Variants in NBEAL1 observed in about 807,000 individuals in gnomAD.
The protein encoded by NBEAL1 is neurobeachin like 1.
A neutral mutation model predicts 351.3 loss-of-function variants in NBEAL1; 273 were observed. The observed-to-expected ratio is 0.78, with a 90% CI of 0.70 to 0.86. NBEAL1 has a LOEUF of 0.86. Among genes scored for constraint, NBEAL1 ranks in the 40% least tolerant of loss-of-function variants. The pLI, the probability that NBEAL1 is intolerant of heterozygous loss-of-function variation, is 0.00. For missense variants in NBEAL1, 2,961 were observed against 3,201.3 expected (o/e 0.92, Z 1.81); for synonymous variants, 1,050 against 1,086.4 (o/e 0.97, Z 0.66).
chr2:203,062,256 G>GTCT lies in NBEAL1; in HGVS notation c.515+4806_515+4808dup. On this transcript the variant is annotated intron_variant, in intron 6 of 55. Coordinates refer to ENST00000683969, the MANE Select transcript of NBEAL1 (RefSeq NM_001378026.1). This position sits in a 1 kb window ranked among gnomAD's most constrained non-coding sequence, Gnocchi z 4.2. ...TTCTGACTTGATCGTCAACATTCTGGTCTTCCCATTTGTTTTCTGTAGAAG... is the reference window on the plus strand; with the variant it reads ...TTCTGACTTGATCGTCAACATTCTGGTCTTCTTCCCATTTGTTTTCTGTAGAAG... 2.2e-6 allele frequency: 1 copy of GTCT among 459,512 alleles called. No homozygotes were observed. The highest frequency in any genetic ancestry group is 4.4e-6 in the Non-Finnish European group (1 of 228,366). The allele number at this position is 459,512 out of a possible 1,614,324, so 28.5% of individuals were successfully genotyped here.
chr2:203,183,810 ACACCTGTAATCCTAG>A (rs2064805684), intron 44 of NBEAL1, among the ~76,000 whole-genome samples: 1 of 152,148 alleles, frequency 6.6e-6, no homozygotes, highest in Non-Finnish European at 1.5e-5. Flanking sequence ...ACAGTGGCTC[ACACCTGTAATCCTAG>A]CACTTTTGGA....
chr2:203,050,038 A>G, intron 4 of NBEAL1, 63 bp downstream of exon 4: 2 of 1,461,656 alleles, frequency 1.4e-6, no homozygotes, highest in Admixed American at 2.0e-5. Flanking sequence ...ATGAGAACAC[A>G]TGGAGATGAG....
intron 36 of NBEAL1, among the ~76,000 whole-genome samples, chr2:203,160,744 G>A (rs1219332117): frequency 6.6e-6 from 1 of 152,154 alleles, no homozygotes; most frequent in East Asian, 1.9e-4. Context: ...AACTAATTCT[G>A]TAGAGCCTGT....
chr2:203,166,093 A>C (rs2064121188), intron 36 of NBEAL1, 56 bp from the exon 37 acceptor site: 1 of 1,434,222 alleles, frequency 7.0e-7, no homozygotes, highest in Non-Finnish European at 9.3e-7. Context: ...ATTCTTTTCT[A>C]TTTAAGAAAA....
In NBEAL1 at chr2:203,122,269, A is replaced by G. The variant is rs777529029; in HGVS notation, c.2608A>G (p.Ile870Val). 7 of 1,532,286 alleles carry G rather than the reference A, an allele frequency of 4.6e-6. No homozygotes were observed. Among genetic ancestry groups the G allele is most frequent in the African/African-American group, 1.4e-5 (1 of 71,932 alleles). 94.9% of individuals were successfully genotyped at this position (1,532,286 alleles called of 1,614,324 possible). ...TTATTCTTAGGCCTGCAAAAATTCA[A>G]TCTGTCTTGATTTATCTACTAATTG... Reference protein sequence around the residue: ...YYTAKACKNSICLDLSTNCLH... With the variant: ...YYTAKACKNSVCLDLSTNCLH... The change falls in exon 19 of 56, where the codon ATC (isoleucine) becomes GTC (valine). Residue 870 changes from isoleucine (I) to valine (V), a missense_variant. By Grantham distance (29) the Ile-to-Val change is conservative. Transcript: ENST00000683969.
chr2:203,059,288 A>C (rs751441304), intron 6 of NBEAL1, among the ~76,000 whole-genome samples: 5 of 152,240 alleles, frequency 3.3e-5, no homozygotes, highest in Non-Finnish European at 7.3e-5. Context: ...AAGATACAAA[A>C]TTTCAGTTAG....
intron 9 of NBEAL1, among the ~76,000 whole-genome samples, chr2:203,083,980 G>C (rs866130128): frequency 7.3e-6 from 1 of 136,678 alleles, no homozygotes; most frequent in South Asian, 2.5e-4. Flanking sequence ...CAGAGCCTGT[G>C]TGTGTGTGTG....
Position 203,199,488 on chromosome 2 carries a change from T to A in NBEAL1, c.7238+41T>A, listed in dbSNP as rs188940639. 4.7e-5 allele frequency: 45 copies of A among 958,036 alleles called. No homozygotes were observed. In the Admixed American group the frequency reaches 6.2e-4, roughly 13 times the overall value. The allele number at this position is 958,036 out of a possible 1,614,324, so 59.3% of individuals were successfully genotyped here. ...TGTAAAGCAAAATAGCTATACCAGA[T>A]ACCTTATTGCCAGGAAAAAAACTAG... On this transcript the variant is annotated intron_variant, in intron 49 of 55. Coordinates refer to ENST00000683969, the MANE Select transcript of NBEAL1 (RefSeq NM_001378026.1).
At chr2:203,190,574 C>G (rs1189376931) in intron 46 of NBEAL1, 185 bp downstream of exon 46, 1 of 682,964 alleles carries the variant, frequency 1.5e-6, no homozygotes, top group African/African-American at 1.8e-5. Context: ...TTAGGGTATG[C>G]CATTAAAACT....
Position 203,151,555 on chromosome 2 carries a change from C to G in NBEAL1, c.5553C>G (p.Thr1851=). The change falls in exon 35 of 56, where the codon ACC becomes ACG. Residue 1851 remains threonine, a synonymous_variant. Coordinates refer to ENST00000683969, the MANE Select transcript of NBEAL1 (RefSeq NM_001378026.1). ...TGGTACCGAATTATAATTTCAAAAC[C>G]CATGAGGAAGCTAGTGCCTTGAGAG... is the stretch of plus-strand genomic sequence containing the variant. ...LKLVPNYNFK[T]HEEASALRDN... The G allele has an allele frequency of 6.2e-7, 1 of 1,609,382 alleles. No homozygotes were observed. Among genetic ancestry groups the G allele is most frequent in the Non-Finnish European group, 8.5e-7 (1 of 1,178,188 alleles).
At chr2:203,055,497 C>T (rs904961499) in intron 4 of NBEAL1, among the ~76,000 whole-genome samples, 8 of 151,916 alleles carry the variant, frequency 5.3e-5, no homozygotes, top group African/African-American at 2.4e-5. Context: ...CCCAGCTTCT[C>T]AGGAAGCTGG....
intron 2 of NBEAL1, 129 bp from the exon 3 acceptor site, chr2:203,041,636 A>G (rs1433355857): frequency 1.6e-5 from 10 of 644,498 alleles, no homozygotes; most frequent in South Asian, 1.2e-4. Context: ...AAAACAGCAC[A>G]TATGTACTCC....
At chr2:203,140,228 G>A (rs1209277980) in intron 31 of NBEAL1, among the ~76,000 whole-genome samples, 1 of 151,586 alleles carries the variant, frequency 6.6e-6, no homozygotes, top group East Asian at 1.9e-4. Context: ...ACTTGAACCC[G>A]GGAGACAGAG....
chr2:203,137,841 G>C (rs1036492415), intron 29 of NBEAL1, among the ~76,000 whole-genome samples: 1 of 151,538 alleles, frequency 6.6e-6, no homozygotes, highest in African/African-American at 2.4e-5. Flanking sequence ...AAAATTAGCC[G>C]GGCATGGTGG....
rs761150556 is a variant in NBEAL1 at position 203,132,049 on chromosome 2, A to T, written c.3641A>T (p.Tyr1214Phe). The T allele has an allele frequency of 1.9e-6, 3 of 1,554,448 alleles. No homozygotes were observed. The highest frequency in any genetic ancestry group is 1.4e-5 in the African/African-American group (1 of 73,682). ...KQHIRLREVGYSGLGLLLNEA... is the reference protein window; with the variant it reads ...KQHIRLREVGFSGLGLLLNEA... ...CATATTCGACTCAGAGAAGTTGGCT[A>T]CTCGGGACTGGGACTCCTTCTTAAT... is the stretch of plus-strand genomic sequence containing the variant. The change falls in exon 26 of 56, where the codon TAC (tyrosine) becomes TTC (phenylalanine). Residue 1214 changes from tyrosine (Y) to phenylalanine (F), a missense_variant. Coordinates refer to ENST00000683969, the MANE Select transcript of NBEAL1 (RefSeq NM_001378026.1).
At chr2:203,209,511 A>G (rs2065714385) in intron 53 of NBEAL1, among the ~76,000 whole-genome samples, 189 bp downstream of exon 53, 1 of 152,194 alleles carries the variant, frequency 6.6e-6, no homozygotes. Context: ...TCACATTAGT[A>G]TTTTATTATT....
chr2:203,223,202 C>G lies in NBEAL1; in HGVS notation c.*5848C>G, dbSNP rs1248765883. Among the ~76,000 whole-genome samples the G allele has an allele frequency of 6.6e-6, 1 of 152,062 alleles. No individual in the cohort carries two copies. The highest frequency in any genetic ancestry group is 1.5e-5 in the Non-Finnish European group (1 of 67,982). On this transcript the variant is annotated 3_prime_UTR_variant, in exon 56 of 56. Transcript: ENST00000683969. ...TTAGTGATAAGTAAAAGGGCACATTCAACAATATTTACCTTTGTCTTAATG... is the reference window on the plus strand; with the variant it reads ...TTAGTGATAAGTAAAAGGGCACATTGAACAATATTTACCTTTGTCTTAATG...
rs1201749170 is a variant in NBEAL1 at position 203,084,524 on chromosome 2, C to T, written c.1053C>T (p.Asn351=). The T allele has an allele frequency of 6.5e-7, 1 of 1,545,954 alleles. No homozygotes were observed. Among genetic ancestry groups the T allele is most frequent in the East Asian group, 2.4e-5 (1 of 41,460 alleles). Residue 351 remains asparagine, a synonymous_variant, in exon 10 of 56, where the codon AAC becomes AAT. Transcript: ENST00000683969. The stretch of plus-strand genomic sequence containing the variant: ...CTGTTCTTCAGGCCATTTTTCTTAA[C>T]AGCAATTGCTTTGAACATCTCATAC... ...DRPVLQAIFL[N]SNCFEHLIRL...
chr2:203,170,409 C>A (rs977431097), intron 39 of NBEAL1, among the ~76,000 whole-genome samples: 11 of 151,896 alleles, frequency 7.2e-5, no homozygotes, highest in African/African-American at 1.2e-4. Flanking sequence ...GTTTTAAAAT[C>A]TTAATAATAA....
Sources: gnomAD v4.1 joint callset for allele counts (sites outside exome capture counted in the v4.1 genomes callset) on GRCh38, gnomAD v4.1.1 for gene constraint, Gnocchi (gnomAD v3.1) non-coding constraint, MANE v1.5 for transcripts, NCBI Gene and HGNC (gene_info 2026-07-23, HGNC 2026-07-21) for gene names.